RAG1: variants seen among roughly 807,000 people sequenced by gnomAD.
RAG1 encodes the protein recombination activating 1.
RAG1 carries 35 observed loss-of-function variants against 62.7 expected under a neutral mutation model. That is an observed-to-expected ratio of 0.56 (90% CI 0.43 to 0.74). RAG1 has a LOEUF of 0.74. RAG1 is among the 30% of genes least tolerant of loss of function. The pLI is 0.00. For synonymous variants in RAG1, 461 were observed against 470.3 expected, an observed-to-expected ratio of 0.98 and a Z score of 0.26; for missense variants, 1,169 against 1,278.6, an observed-to-expected ratio of 0.91 and a Z score of 1.31.
At chr11:36,519,187 G>C (rs1860040599) in intron 1 of RAG1, among the ~76,000 whole-genome samples, 1 of 152,006 alleles carries the variant, frequency 6.6e-6, no homozygotes, top group Admixed American at 6.6e-5. Context: ...GCACCAGTAA[G>C]GTAGGGATAT....
intron 3 of RAG1, among the ~76,000 whole-genome samples, chr11:36,543,462 A>G (rs929952890): frequency 5.3e-5 from 8 of 152,036 alleles, no homozygotes; most frequent in African/African-American, 1.4e-4. Context: ...TCCAGGCTCT[A>G]CCCGAAAAAT....
intron 2 of RAG1, among the ~76,000 whole-genome samples, chr11:36,533,337 C>T (rs1255354421): frequency 6.6e-6 from 1 of 152,178 alleles, no homozygotes; most frequent in African/African-American, 2.4e-5. Context: ...GAATCCTCAG[C>T]TTATATTGCC....
chr11:36,544,017 T>A (rs1462284344), intron 3 of RAG1, among the ~76,000 whole-genome samples: 1 of 152,214 alleles, frequency 6.6e-6, no homozygotes, highest in Non-Finnish European at 1.5e-5. Context: ...TAGCCCTACC[T>A]GGTTTCCTTT....
intron 3 of RAG1, among the ~76,000 whole-genome samples, chr11:36,547,174 T>C (rs2173395): frequency 0.98 from 148,872 of 152,182 alleles, 72,883 homozygotes; most frequent in Non-Finnish European, 1. Context: ...CAGGAGAAAG[T>C]GGGGAAGATC....
rs1035090440 is a variant in RAG1 at position 36,547,998 on chromosome 11, C to A, written c.-412+11964C>A. Among the ~76,000 whole-genome samples, 7 of 152,142 alleles carry A rather than the reference C, an allele frequency of 4.6e-5. 1 individual carries two copies. The highest frequency in any genetic ancestry group is 1.7e-4 in the African/African-American group (7 of 41,428). ...ACGCAAATCAATAAACGTAATCCCTCACATAAACAGAACCAACGACAAAAA... is the reference window on the plus strand; with the variant it reads ...ACGCAAATCAATAAACGTAATCCCTAACATAAACAGAACCAACGACAAAAA... On this transcript the variant is annotated intron_variant and NMD_transcript_variant, in intron 3 of 9. Transcript: ENST00000534663.
chr11:36,536,186 AT>A (rs1354958344), downstream of RAG1, among the ~76,000 whole-genome samples: 1 of 152,254 alleles, frequency 6.6e-6, no homozygotes, highest in Non-Finnish European at 1.5e-5. Flanking sequence ...ACTTAAAAAA[AT>A]CTAATGAAAT....
In RAG1 at chr11:36,519,964, T is replaced by C. The variant is rs140324484; in HGVS notation, n.331-168T>C. Among the ~76,000 whole-genome samples, 5 of 152,326 alleles carry C rather than the reference T, an allele frequency of 3.3e-5. No homozygotes were observed. The East Asian group carries it at 9.6e-4, about 29-fold the overall frequency. On this transcript the variant is annotated intron_variant and non_coding_transcript_variant, in intron 1 of 2. Coordinates refer to the RAG1 transcript ENST00000529126. The stretch of plus-strand genomic sequence containing the variant: ...CTACTTTCTGAAATAGCCACCGTGA[T>C]TGGAATTTAAATTTAAATTGACTAC...
At chr11:36,536,274 T>C (rs1590673226), downstream of RAG1, among the ~76,000 whole-genome samples, 1 of 152,170 alleles carries the variant, frequency 6.6e-6, no homozygotes, top group East Asian at 1.9e-4. Flanking sequence ...TTTGATATAT[T>C]ATACAATACA....
At chr11:36,524,340 TA>T (rs35649031) in intron 2 of RAG1, among the ~76,000 whole-genome samples, 3,656 of 143,882 alleles carry the variant, frequency 0.025, 146 homozygotes, top group African/African-American at 0.089. Context: ...TAAAGTATAA[TA>T]AAAAAAAAAA....
chr11:36,575,124 A>G lies in RAG1; in HGVS notation c.1820A>G (p.Asp607Gly). Reference protein sequence around the residue: ...VVKESCDGMGDVSEKHGSGPV... With the variant: ...VVKESCDGMGGVSEKHGSGPV... ...AAGGAGTCTTGTGATGGAATGGGAGACGTGAGTGAGAAGCATGGGAGTGGG... is the reference window on the plus strand; with the variant it reads ...AAGGAGTCTTGTGATGGAATGGGAGGCGTGAGTGAGAAGCATGGGAGTGGG... Residue 607 changes from aspartate to glycine, a missense_variant, in exon 2 of 2, where the codon GAC becomes GGC. Asp to Gly is a moderately conservative substitution (Grantham distance 94). Transcript: ENST00000299440. This position sits in a 1 kb window ranked among gnomAD's most constrained non-coding sequence, Gnocchi z 4.1. 6.2e-7 allele frequency: 1 copy of G among 1,614,094 alleles called. No homozygotes were observed. Among genetic ancestry groups the G allele is most frequent in the Non-Finnish European group, 8.5e-7 (1 of 1,180,006 alleles).
At chr11:36,544,608 C>T (rs1472186771) in intron 3 of RAG1, among the ~76,000 whole-genome samples, 2 of 152,164 alleles carry the variant, frequency 1.3e-5, no homozygotes, top group African/African-American at 2.4e-5. Flanking sequence ...TGTTCTGTAT[C>T]CTGCTTTTTC....
At chr11:36,558,642 T>G (rs1850537448) in intron 3 of RAG1, among the ~76,000 whole-genome samples, 1 of 152,230 alleles carries the variant, frequency 6.6e-6, no homozygotes, top group South Asian at 2.1e-4. Context: ...CTTTCACTTT[T>G]CATCTATGTG....
At chr11:36,515,279 G>A (rs1279814660) in intron 1 of RAG1, among the ~76,000 whole-genome samples, 5 of 151,960 alleles carry the variant, frequency 3.3e-5, no homozygotes, top group African/African-American at 1.2e-4. Flanking sequence ...TAATTAAAAG[G>A]CGAAAGAGGA....
intron 1 of RAG1, 111 bp from the exon 2 acceptor site, chr11:36,573,180 C>A: frequency 1.8e-6 from 2 of 1,100,180 alleles, no homozygotes; most frequent in African/African-American, 1.6e-5. Flanking sequence ...TAATACATAT[C>A]TTTTGGAATA....
chr11:36,514,718 T>C (rs1034345154), intron 1 of RAG1, among the ~76,000 whole-genome samples: 1 of 152,200 alleles, frequency 6.6e-6, no homozygotes, highest in Non-Finnish European at 1.5e-5. Context: ...AAAGGGTTTG[T>C]GCTCTTGTGA....
chr11:36,577,406 T>C lies in RAG1; in HGVS notation c.*970T>C, dbSNP rs930032369. On this transcript the variant is annotated 3_prime_UTR_variant, in exon 2 of 2. Transcript: ENST00000299440. Reference sequence around the variant, plus strand: ...TGCCAGACTTTCTCCAAATGAAACCTGAATCAATTTTTCTAAATCTAGGTT... The same window carrying C: ...TGCCAGACTTTCTCCAAATGAAACCCGAATCAATTTTTCTAAATCTAGGTT... 9 of 167,114 alleles carry C rather than the reference T, an allele frequency of 5.4e-5. No individual in the cohort carries two copies. Among genetic ancestry groups the C allele is most frequent in the Middle Eastern group, 3.4e-3 (1 of 296 alleles). 10.4% of individuals were successfully genotyped at this position (167,114 alleles called of 1,614,324 possible). A position where few individuals can be genotyped will look rare whatever the true frequency, so the allele number is the denominator to read the frequency against.
At chr11:36,530,923 A>T (rs1425294456) in intron 2 of RAG1, among the ~76,000 whole-genome samples, 1 of 151,950 alleles carries the variant, frequency 6.6e-6, no homozygotes, top group East Asian at 1.9e-4. Flanking sequence ...CTTCAACCAT[A>T]ACTGTGGATT....
chr11:36,541,997 G>A lies in RAG1; in HGVS notation c.-412+5963G>A, dbSNP rs552530571. On this transcript the variant is annotated intron_variant and NMD_transcript_variant, in intron 3 of 9. Coordinates refer to the RAG1 transcript ENST00000534663. ...AGTGGGAGGGACCTGCGCACTAGGG[G>A]ATAAATTGCTTGTTGAAACTGTGCT... 4.9e-4 allele frequency among the ~76,000 whole-genome samples: 75 copies of A among 152,088 alleles called. No individual in the cohort carries two copies. The South Asian group carries it at 0.014, about 29-fold the overall frequency.
Position 36,573,322 on chromosome 11 carries a change from A to C in RAG1, c.18A>C (p.Pro6=). 6.2e-7 allele frequency: 1 copy of C among 1,614,144 alleles called. No individual in the cohort carries two copies. Among genetic ancestry groups the C allele is most frequent in the Non-Finnish European group, 8.5e-7 (1 of 1,180,016 alleles). ...CAGCCAGCATGGCAGCCTCTTTCCC[A>C]CCCACCTTGGGACTCAGTTCTGCCC... MAASF[P]PTLGLSSAPD... Residue 6 remains proline, a synonymous_variant, in exon 2 of 2, where the codon CCA becomes CCC. Transcript: ENST00000299440.
Sources: gnomAD v4.1 joint callset for allele counts (sites outside exome capture counted in the v4.1 genomes callset) on GRCh38, gnomAD v4.1.1 for gene constraint, Gnocchi (gnomAD v3.1) non-coding constraint, MANE v1.5 for transcripts, NCBI Gene and HGNC (gene_info 2026-07-23, HGNC 2026-07-21) for gene names.